Variants in ROBO1 observed in about 807,000 individuals in gnomAD.
The protein encoded by ROBO1 is roundabout homolog 1.
A neutral mutation model predicts 195.9 loss-of-function variants in ROBO1; 149 were observed. That is an observed-to-expected ratio of 0.76 (90% CI 0.67 to 0.87). ROBO1 has a LOEUF of 0.87. Among genes scored for constraint, ROBO1 ranks in the 40% least tolerant of loss-of-function variants. ROBO1 has a pLI of 0.00. For synonymous variants in ROBO1, 816 were observed against 733.2 expected (o/e 1.11, Z -1.82); for missense variants, 1,933 against 2,068.3 (o/e 0.93, Z 1.27).
chr3:78,886,230 A>T (rs56080946), intron 4 of ROBO1, among the ~76,000 whole-genome samples: 1 of 152,160 alleles, frequency 6.6e-6, no homozygotes, highest in South Asian at 2.1e-4. Context: ...TAAAAGAATA[A>T]TACTTATACT....
chr3:78,954,857 A>C (rs2107794557), intron 3 of ROBO1, among the ~76,000 whole-genome samples: 1 of 152,160 alleles, frequency 6.6e-6, no homozygotes, highest in Non-Finnish European at 1.5e-5. Flanking sequence ...TATAAAATAA[A>C]CCTTGCTTAA....
At chr3:78,958,216 C>G (rs1215824182) in intron 3 of ROBO1, among the ~76,000 whole-genome samples, 1 of 152,186 alleles carries the variant, frequency 6.6e-6, no homozygotes, top group Non-Finnish European at 1.5e-5. Context: ...TAACTGTTTT[C>G]TTACCTATTC....
intron 2 of ROBO1, among the ~76,000 whole-genome samples, chr3:79,223,652 T>C (rs1485563698): frequency 6.6e-6 from 1 of 152,174 alleles, no homozygotes; most frequent in Non-Finnish European, 1.5e-5. Context: ...ATCCTATTGA[T>C]TCATACAGGT....
In ROBO1 at chr3:79,545,113, A is replaced by G. The variant is rs895798311; in HGVS notation, c.88+44711T>C. Among the ~76,000 whole-genome samples the G allele has an allele frequency of 2.3e-4, 35 of 150,418 alleles. 1 individual carries two copies. The highest frequency in any genetic ancestry group is 8.8e-4 in the African/African-American group (35 of 39,790). ...GATAGAATTAAAAAAAGAAAAAAAC[A>G]GTGTTACTCAATGAGCTGCGTATGA... On this transcript the variant is annotated intron_variant, in intron 2 of 30. Coordinates refer to ENST00000464233, the MANE Select transcript of ROBO1 (RefSeq NM_002941.4).
chr3:79,523,288 A>C (rs1165381086), intron 2 of ROBO1, among the ~76,000 whole-genome samples: 1 of 152,184 alleles, frequency 6.6e-6, no homozygotes, highest in Non-Finnish European at 1.5e-5. Context: ...TATGTGAGGT[A>C]ATGTATTTGT....
chr3:79,243,097 C>A (rs982638032), intron 2 of ROBO1, among the ~76,000 whole-genome samples: 60 of 148,804 alleles, frequency 4.0e-4, no homozygotes, highest in Non-Finnish European at 7.5e-4. Flanking sequence ...GGTTTTTTGT[C>A]CTTGCGATAG....
At chr3:78,891,048 A>G (rs1037830639) in intron 4 of ROBO1, among the ~76,000 whole-genome samples, 2 of 152,198 alleles carry the variant, frequency 1.3e-5, no homozygotes, top group African/African-American at 4.8e-5. Flanking sequence ...CCTGAGAAAT[A>G]AAGTTTTATT....
rs763875652 is a variant in ROBO1, at chr3:78,685,912, T to C, written c.1176A>G (p.Leu392=). The C allele has an allele frequency of 4.4e-6, 7 of 1,585,376 alleles. No individual in the cohort carries two copies. The highest frequency in any genetic ancestry group is 3.6e-5 in the Admixed American group (2 of 55,954). Residue 392 remains leucine (L), a synonymous_variant, in exon 10 of 31, where the codon CTA becomes CTG. Transcript: ENST00000464233. ...IFWRREGSQN[L]LFSYQPPQSS... The stretch of plus-strand genomic sequence containing the variant: ...ACTGTGGTGGTTGATATGAGAAAAG[T>C]AGATTCTAGAACCCAGAAATTGGGA...
At chr3:79,254,513 C>A (rs578262470) in intron 2 of ROBO1, among the ~76,000 whole-genome samples, 1 of 152,010 alleles carries the variant, frequency 6.6e-6, no homozygotes, top group South Asian at 2.1e-4. Context: ...AAATATGAGA[C>A]TATTAATATG....
chr3:79,652,917 T>A (rs75641904), intron 1 of ROBO1, among the ~76,000 whole-genome samples: 1 of 152,096 alleles, frequency 6.6e-6, no homozygotes, highest in African/African-American at 2.4e-5. Flanking sequence ...CAGACCATTC[T>A]ACTTAAAGAA....
In ROBO1 at chr3:78,821,049, A is replaced by G. The variant is rs192817984; in HGVS notation, c.500-74149T>C. ...TCATTTCTCCTTTTGTGTACAAATT[A>G]TATAAAGCAAAATTCAATCTTTTAA... On this transcript the variant is annotated intron_variant, in intron 4 of 30. Coordinates refer to ENST00000464233, the MANE Select transcript of ROBO1 (RefSeq NM_002941.4). 3.9e-4 allele frequency among the ~76,000 whole-genome samples: 60 copies of G among 152,288 alleles called. 2 individuals are homozygous for G. The highest frequency in any genetic ancestry group is 2.4e-3 in the Admixed American group (36 of 15,296).
intron 1 of ROBO1, among the ~76,000 whole-genome samples, chr3:79,730,816 T>C (rs1469950995): frequency 7.0e-6 from 1 of 142,674 alleles, no homozygotes; most frequent in Non-Finnish European, 1.5e-5. Flanking sequence ...CTTGCTCTGT[T>C]GCCCAGGCTG....
chr3:79,057,588 A>G (rs1359410728), intron 3 of ROBO1, among the ~76,000 whole-genome samples: 1 of 152,004 alleles, frequency 6.6e-6, no homozygotes, highest in African/African-American at 2.4e-5. Context: ...TTTTCTCCTT[A>G]CAAACCTAAA....
chr3:79,666,912 T>A (rs576859787), intron 1 of ROBO1, among the ~76,000 whole-genome samples: 14 of 152,078 alleles, frequency 9.2e-5, no homozygotes, highest in African/African-American at 3.4e-4. Context: ...AAACTAACTT[T>A]ATTTATACTC....
chr3:79,058,127 A>G (rs1048636056), intron 3 of ROBO1, among the ~76,000 whole-genome samples: 6 of 152,022 alleles, frequency 3.9e-5, no homozygotes, highest in Non-Finnish European at 8.8e-5. Flanking sequence ...GGGGAAAACC[A>G]TGCCCTAAAA....
chr3:78,904,210 TTGTA>T (rs1226165027), intron 4 of ROBO1, among the ~76,000 whole-genome samples: 1 of 151,980 alleles, frequency 6.6e-6, no homozygotes, highest in Non-Finnish European at 1.5e-5. Flanking sequence ...CCACACTTAT[TTGTA>T]TGTGTGTCTG....
At chr3:79,025,477 A>G (rs1478165939) in intron 3 of ROBO1, among the ~76,000 whole-genome samples, 1 of 152,192 alleles carries the variant, frequency 6.6e-6, no homozygotes, top group African/African-American at 2.4e-5. Flanking sequence ...CATCCAAAAC[A>G]GTGCCTGGCA....
intron 2 of ROBO1, among the ~76,000 whole-genome samples, chr3:79,164,966 GCA>G (rs2081036597): frequency 6.6e-6 from 1 of 152,070 alleles, no homozygotes; most frequent in South Asian, 2.1e-4. Context: ...CTGTCACACT[GCA>G]CACCCCTAAC....
At chr3:79,148,177 C>G (rs2108631026) in intron 2 of ROBO1, among the ~76,000 whole-genome samples, 1 of 151,862 alleles carries the variant, frequency 6.6e-6, no homozygotes, top group Admixed American at 6.6e-5. Context: ...GGCTATCTGT[C>G]TTTACTAAAA....
Sources: allele counts gnomAD v4.1 joint callset (sites outside exome capture counted in the v4.1 genomes callset), GRCh38; gene constraint gnomAD v4.1.1; transcripts MANE v1.5; gene names NCBI Gene and HGNC (gene_info 2026-07-23, HGNC 2026-07-21).